Variants in KPNA4 observed in about 807,000 individuals in gnomAD.
KPNA4 encodes the protein importin subunit alpha-3.
KPNA4 carries 13 observed loss-of-function variants against 71.3 expected under a neutral mutation model. That is an observed-to-expected ratio of 0.18 (90% CI 0.12 to 0.29). The LOEUF (loss-of-function observed/expected upper bound fraction) is 0.29, where lower values mean the gene tolerates loss of function less well. Ranked by LOEUF, KPNA4 falls within the 10% of genes least tolerant of loss-of-function variation. KPNA4 has a pLI of 1.00. For synonymous variants in KPNA4, 189 were observed against 195.2 expected, an observed-to-expected ratio of 0.97 and a Z score of 0.26; for missense variants, 334 against 603.2, an observed-to-expected ratio of 0.55 and a Z score of 4.67.
intron 15 of KPNA4, among the ~76,000 whole-genome samples, chr3:160,506,224 AGT>A (rs1416302120): frequency 6.6e-6 from 1 of 151,376 alleles, no homozygotes; most frequent in Admixed American, 6.6e-5. Flanking sequence ...GCTGGAGTGC[AGT>A]GGCGTGATCT....
intron 1 of KPNA4, among the ~76,000 whole-genome samples, chr3:160,543,861 CT>C (rs151274621): frequency 3.4e-5 from 5 of 148,654 alleles, no homozygotes; most frequent in South Asian, 2.1e-4. Context: ...AATCCTTGAC[CT>C]TTTTTTTTTC....
chr3:160,521,754 AT>A, intron 11 of KPNA4, 24 bp downstream of exon 11: 2 of 1,604,924 alleles, frequency 1.2e-6, no homozygotes, highest in Non-Finnish European at 1.7e-6. Context: ...AGAAATACTT[AT>A]AATTTAACTA....
rs528888840 is a variant in KPNA4 at position 160,500,859 on chromosome 3, T to C, written c.*1245A>G. 14 of 152,642 alleles carry C rather than the reference T, an allele frequency of 9.2e-5. No homozygotes were observed. The highest frequency in any genetic ancestry group is 1.8e-4 in the Non-Finnish European group (12 of 68,040). 9.5% of individuals were successfully genotyped at this position (152,642 alleles called of 1,614,324 possible). On this transcript the variant is annotated 3_prime_UTR_variant, in exon 17 of 17. Transcript: ENST00000334256. The stretch of plus-strand genomic sequence containing the variant: ...TTTAGAAGTTTCCATATCATTTTCA[T>C]AGAAAACAAAGTTTGAAAACAAGTA...
intron 1 of KPNA4, among the ~76,000 whole-genome samples, chr3:160,540,307 TTTC>T (rs1244730751): frequency 2.0e-5 from 3 of 152,092 alleles, no homozygotes; most frequent in Non-Finnish European, 4.4e-5. Context: ...CCCGAAAGAT[TTTC>T]TTTTTACTTG....
In KPNA4 at chr3:160,535,925, A is replaced by C. The variant is rs74651565; in HGVS notation, c.115-28T>G. The C allele has an allele frequency of 5.8e-5, 61 of 1,059,922 alleles. 2 individuals are homozygous for C. The South Asian group carries it at 2.2e-3, about 38-fold the overall frequency. The allele number at this position is 1,059,922 out of a possible 1,614,324, so 65.7% of individuals were successfully genotyped here. On this transcript the variant is annotated intron_variant, in intron 2 of 16. Coordinates refer to ENST00000334256, the MANE Select transcript of KPNA4 (RefSeq NM_002268.5). ...TAAAAAAAAAAAAAAAAAAAAAAAA[A>C]CCAAACAGAGAATTTGAGTTAAAAA...
At chr3:160,510,008 T>G in intron 13 of KPNA4, 137 bp from the exon 14 acceptor site, 1 of 640,520 alleles carries the variant, frequency 1.6e-6, no homozygotes, top group South Asian at 1.9e-5. Flanking sequence ...TTTTTTCTTA[T>G]TAAGACAGGT....
At chr3:160,553,834 C>T (rs1443932366) in intron 1 of KPNA4, among the ~76,000 whole-genome samples, 2 of 152,202 alleles carry the variant, frequency 1.3e-5, no homozygotes, top group African/African-American at 2.4e-5. Flanking sequence ...TTTTCTTCCT[C>T]TTCAAACTTA....
intron 1 of KPNA4, among the ~76,000 whole-genome samples, chr3:160,560,037 C>T (rs1722210568): frequency 6.6e-6 from 1 of 152,060 alleles, no homozygotes; most frequent in African/African-American, 2.4e-5. Flanking sequence ...CTACAAGTGA[C>T]CCACAATTTC....
In KPNA4 at chr3:160,565,566, C is replaced by A. The variant is rs1470814089; in HGVS notation, c.-284G>T. On this transcript the variant is annotated 5_prime_UTR_variant, in exon 1 of 17. Transcript: ENST00000334256. ...GCCGGCTGAGAGGGGGAGGCAGCCT[C>A]GATCTGAGGGCCCCGGCGCTGCGGC... 3.9e-6 allele frequency: 2 copies of A among 514,080 alleles called. No homozygotes were observed. The highest frequency in any genetic ancestry group is 5.0e-4 in the Middle Eastern group (1 of 2,006). The allele number at this position is 514,080 out of a possible 1,614,324, so 31.8% of individuals were successfully genotyped here. A position where few individuals can be genotyped will look rare whatever the true frequency, so the allele number is the denominator to read the frequency against.
intron 8 of KPNA4, 81 bp downstream of exon 8, chr3:160,527,872 C>G: frequency 9.4e-7 from 1 of 1,060,958 alleles, no homozygotes; most frequent in Non-Finnish European, 1.4e-6. Context: ...ACTGTTTTCT[C>G]TTTTGGATTA....
chr3:160,540,845 T>C (rs1721784759), intron 1 of KPNA4, among the ~76,000 whole-genome samples: 1 of 152,190 alleles, frequency 6.6e-6, no homozygotes, highest in African/African-American at 2.4e-5. Context: ...GTTGCTGCTA[T>C]TTCCTCAAAG....
chr3:160,511,279 G>A (rs1353296783), intron 13 of KPNA4, among the ~76,000 whole-genome samples: 2 of 150,224 alleles, frequency 1.3e-5, no homozygotes, highest in African/African-American at 4.9e-5. Flanking sequence ...CTAATTTTTT[G>A]TATTTTTAGT....
rs778756891 is a variant in KPNA4, at chr3:160,514,111, T to C, written c.1103A>G (p.Asn368Ser). 1.9e-5 allele frequency: 31 copies of C among 1,591,090 alleles called. No homozygotes were observed. The highest frequency in any genetic ancestry group is 1.7e-4 in the Admixed American group (9 of 53,610). ...AAGGTGTATTATCATTGGTACAAGA[T>C]TGGCATCAATTACTGCCTGTACCTG... ...QQQVQAVIDA[N>S]LVPMIIHLLD... The change falls in exon 13 of 17, where the codon AAT (asparagine) becomes AGT (serine). Residue 368 changes from asparagine to serine, a missense_variant. Asn to Ser is a conservative substitution (Grantham distance 46). Coordinates refer to ENST00000334256, the MANE Select transcript of KPNA4 (RefSeq NM_002268.5).
chr3:160,521,688 T>C, intron 11 of KPNA4, 91 bp downstream of exon 11: 1 of 1,173,384 alleles, frequency 8.5e-7, no homozygotes. Flanking sequence ...AAGAATATAC[T>C]TTAAACTACT....
intron 1 of KPNA4, 91 bp from the exon 2 acceptor site, chr3:160,536,931 T>C (rs1721704799): frequency 1.6e-6 from 1 of 634,414 alleles, no homozygotes; most frequent in South Asian, 2.5e-5. Flanking sequence ...TATACACCTC[T>C]AATCTTTTCT....
At chr3:160,549,966 T>C (rs1297965506) in intron 1 of KPNA4, among the ~76,000 whole-genome samples, 1 of 152,254 alleles carries the variant, frequency 6.6e-6, no homozygotes, top group Non-Finnish European at 1.5e-5. Flanking sequence ...TTAGGTTTAT[T>C]CCTAAGTATT....
intron 10 of KPNA4, among the ~76,000 whole-genome samples, chr3:160,524,303 T>G (rs1319890180): frequency 6.6e-6 from 1 of 152,148 alleles, no homozygotes. Flanking sequence ...AGGTATAAAC[T>G]TTGAAGTTAA....
At chr3:160,525,914 T>C (rs371803743) in intron 9 of KPNA4, 24 bp downstream of exon 9, 2 of 1,541,796 alleles carry the variant, frequency 1.3e-6, no homozygotes, top group East Asian at 2.3e-5. Flanking sequence ...GTATCTCTTT[T>C]AATTTTTTTT....
chr3:160,553,601 T>G (rs1577063138), intron 1 of KPNA4, among the ~76,000 whole-genome samples: 2 of 152,164 alleles, frequency 1.3e-5, no homozygotes, highest in South Asian at 4.1e-4. Context: ...CTTGACCTAG[T>G]CTGAATAAGG....
Sources: gnomAD v4.1 joint callset for allele counts (sites outside exome capture counted in the v4.1 genomes callset) on GRCh38, gnomAD v4.1.1 for gene constraint, MANE v1.5 for transcripts, NCBI Gene and HGNC (gene_info 2026-07-23, HGNC 2026-07-21) for gene names.